The following RALGAPA2 variants were observed in gnomAD, a reference collection of about 807,000 sequenced individuals.
RALGAPA2 encodes the protein ral GTPase-activating protein subunit alpha-2.
RALGAPA2 carries 139 observed loss-of-function variants against 230.4 expected under a neutral mutation model. That is an observed-to-expected ratio of 0.60 (90% CI 0.53 to 0.69). The LOEUF (loss-of-function observed/expected upper bound fraction) is 0.69, where lower values mean the gene tolerates loss of function less well. Ranked by LOEUF, RALGAPA2 falls within the 30% of genes least tolerant of loss-of-function variation. The pLI, the probability that RALGAPA2 is intolerant of heterozygous loss-of-function variation, is 0.00. For synonymous variants in RALGAPA2, 847 were observed against 837.8 expected, an observed-to-expected ratio of 1.01 and a Z score of -0.19; for missense variants, 2,163 against 2,276.0, an observed-to-expected ratio of 0.95 and a Z score of 1.01.
chr20:20,679,177 TCAAA>T (rs1323176593), intron 2 of RALGAPA2, among the ~76,000 whole-genome samples: 1 of 152,072 alleles, frequency 6.6e-6, no homozygotes, highest in Non-Finnish European at 1.5e-5. Context: ...CCCATGCACC[TCAAA>T]CACAGACTGC....
chr20:20,459,620 A>G (rs2061254714), intron 37 of RALGAPA2, among the ~76,000 whole-genome samples: 1 of 152,054 alleles, frequency 6.6e-6, no homozygotes, highest in Non-Finnish European at 1.5e-5. Flanking sequence ...GCTGTTCACC[A>G]AGACCCTTGC....
At chr20:20,647,333 G>T (rs1280614057) in intron 4 of RALGAPA2, among the ~76,000 whole-genome samples, 1 of 152,134 alleles carries the variant, frequency 6.6e-6, no homozygotes, top group South Asian at 2.1e-4. Flanking sequence ...AAGAAAGAGA[G>T]AAACTCCCTC....
chr20:20,491,986 T>C (rs76539493), intron 36 of RALGAPA2, among the ~76,000 whole-genome samples: 2,484 of 152,288 alleles, frequency 0.016, 94 homozygotes, highest in East Asian at 0.15. Flanking sequence ...AGGAGGCGGA[T>C]TCTGCCAGGC....
At chr20:20,423,885 T>C (rs540817153) in intron 37 of RALGAPA2, among the ~76,000 whole-genome samples, 9 of 152,262 alleles carry the variant, frequency 5.9e-5, no homozygotes, top group African/African-American at 2.2e-4. Flanking sequence ...AATGATACAC[T>C]CCTGGAGAGA....
intron 16 of RALGAPA2, among the ~76,000 whole-genome samples, chr20:20,599,026 C>A (rs1424898910): frequency 6.6e-6 from 1 of 152,174 alleles, no homozygotes; most frequent in African/African-American, 2.4e-5. Flanking sequence ...TGACACAGGA[C>A]AATGGGCAAT....
intron 36 of RALGAPA2, among the ~76,000 whole-genome samples, chr20:20,481,552 T>C (rs1367670760): frequency 6.6e-6 from 1 of 152,258 alleles, no homozygotes; most frequent in Non-Finnish European, 1.5e-5. Flanking sequence ...GGCTGTGATT[T>C]CTGTGTCCAG....
intron 23 of RALGAPA2, among the ~76,000 whole-genome samples, chr20:20,562,680 C>T (rs946994645): frequency 2.0e-5 from 3 of 152,290 alleles, no homozygotes; most frequent in South Asian, 2.1e-4. Flanking sequence ...TATCATCTTA[C>T]ACTTTTTAAA....
At chr20:20,635,761 T>C (rs959298804) in intron 8 of RALGAPA2, 144 bp from the exon 9 acceptor site, 8 of 673,946 alleles carry the variant, frequency 1.2e-5, no homozygotes, top group Admixed American at 3.7e-5. Flanking sequence ...TTATTTAAAA[T>C]GGCATTTTTT....
At chr20:20,598,663 G>A (rs1242003495) in intron 16 of RALGAPA2, 1 of 453,718 alleles carries the variant, frequency 2.2e-6, no homozygotes, top group South Asian at 1.6e-5. Context: ...GGACACATGA[G>A]ACAGTATTAC....
chr20:20,712,268 A>ACCCCCCCC lies in RALGAPA2; in HGVS notation c.106+106_106+107insGGGGGGGG. 1 of 346,922 alleles carries ACCCCCCCC rather than the reference A, an allele frequency of 2.9e-6. No individual in the cohort carries two copies. The allele number at this position is 346,922 out of a possible 1,614,324, so 21.5% of individuals were successfully genotyped here. On this transcript the variant is annotated intron_variant, in intron 1 of 39. Coordinates refer to ENST00000202677, the MANE Select transcript of RALGAPA2 (RefSeq NM_020343.4). The surrounding 1 kb of genome is among the most constrained non-coding windows in gnomAD (Gnocchi z 5.5). Reference sequence around the variant, plus strand: ...AGGGAAGGGGGTCGGACGCCCACCCATCCCCCTCCCCAGCCTCCCAGCCAC... The same window carrying ACCCCCCCC: ...AGGGAAGGGGGTCGGACGCCCACCCACCCCCCCCTCCCCCTCCCCAGCCTCCCAGCCAC...
intron 1 of RALGAPA2, among the ~76,000 whole-genome samples, chr20:20,703,876 CTG>C (rs2069494986): frequency 6.6e-6 from 1 of 152,174 alleles, no homozygotes; most frequent in Non-Finnish European, 1.5e-5. Context: ...CACACAACAT[CTG>C]TGCTACTTAA....
rs1671299851 is a variant in RALGAPA2 at position 20,512,957 on chromosome 20, G to A, written c.4412C>T (p.Ser1471Phe). ...VIVRDISGKY[S>F]WDGKVLYGPL... ...TCCATATAAAACCTTACCATCCCAA[G>A]AGTACTTCCCTGAGATATCCCTCAC... Residue 1471 changes from serine (S) to phenylalanine (F), a missense_variant, in exon 32 of 40, where the codon TCT (serine) becomes TTT (phenylalanine). Transcript: ENST00000202677. 6.2e-7 allele frequency: 1 copy of A among 1,613,672 alleles called. No homozygotes were observed. Among genetic ancestry groups the A allele is most frequent in the Non-Finnish European group, 8.5e-7 (1 of 1,179,722 alleles).
intron 3 of RALGAPA2, among the ~76,000 whole-genome samples, chr20:20,655,332 A>T (rs1403899636): frequency 6.6e-6 from 1 of 152,078 alleles, no homozygotes; most frequent in African/African-American, 2.4e-5. Context: ...AAATTTTTTA[A>T]ATAAAAAAAA....
intron 10 of RALGAPA2, among the ~76,000 whole-genome samples, chr20:20,626,456 T>C (rs2066492821): frequency 6.6e-6 from 1 of 152,252 alleles, no homozygotes; most frequent in African/African-American, 2.4e-5. Flanking sequence ...TTCAGTCATA[T>C]GTAGTCTATA....
At chr20:20,617,068 A>C (rs2066168076) in intron 12 of RALGAPA2, among the ~76,000 whole-genome samples, 2 of 152,298 alleles carry the variant, frequency 1.3e-5, no homozygotes, top group South Asian at 4.1e-4. Flanking sequence ...TCATCTGCAG[A>C]TATTCTGAGT....
intron 1 of RALGAPA2, among the ~76,000 whole-genome samples, chr20:20,692,564 G>C (rs1206480915): frequency 1.3e-5 from 2 of 152,200 alleles, no homozygotes; most frequent in Non-Finnish European, 2.9e-5. Context: ...TGATACTGCT[G>C]AGCCAATTAT....
In RALGAPA2 at chr20:20,583,080, G is replaced by T; in HGVS notation, c.2677C>A (p.Leu893Met). 6.2e-7 allele frequency: 1 copy of T among 1,613,564 alleles called. No homozygotes were observed. Among genetic ancestry groups the T allele is most frequent in the Non-Finnish European group, 8.5e-7 (1 of 1,179,704 alleles). The change falls in exon 20 of 40, where the codon CTG becomes ATG. Residue 893 changes from leucine to methionine, a missense_variant. Transcript: ENST00000202677. ...ADADARHWLQ[L>M]SPTDASNLTD... ...AAATTTGAAGCATCGGTGGGACTCA[G>T]TTGTAACCAATGACGGGCATCAGCA... is the stretch of plus-strand genomic sequence containing the variant.
At chr20:20,409,183 C>G (rs1283549601) in intron 38 of RALGAPA2, among the ~76,000 whole-genome samples, 3 of 152,178 alleles carry the variant, frequency 2.0e-5, no homozygotes, top group Non-Finnish European at 4.4e-5. Context: ...AGGGCATTTT[C>G]CAACAGTGGA....
At chr20:20,498,215 G>T (rs928253332) in intron 35 of RALGAPA2, among the ~76,000 whole-genome samples, 1 of 152,158 alleles carries the variant, frequency 6.6e-6, no homozygotes, top group Admixed American at 6.5e-5. Context: ...AGTTGATCTG[G>T]TTCCTGTGTA....
Sources: gnomAD v4.1 joint callset for allele counts (sites outside exome capture counted in the v4.1 genomes callset) on GRCh38, gnomAD v4.1.1 for gene constraint, Gnocchi (gnomAD v3.1) non-coding constraint, MANE v1.5 for transcripts, NCBI Gene and HGNC (gene_info 2026-07-23, HGNC 2026-07-21) for gene names.